SCAPER: variants seen among roughly 807,000 people sequenced by gnomAD.
SCAPER encodes the protein S-phase cyclin A associated protein in the ER.
In SCAPER, 98 loss-of-function variants were observed where a neutral mutation model predicts 182.2. That is an observed-to-expected ratio of 0.54 (90% confidence interval 0.46 to 0.64). The LOEUF (loss-of-function observed/expected upper bound fraction) is 0.64. SCAPER is among the 30% of genes least tolerant of loss of function. The pLI, the probability that SCAPER is intolerant of heterozygous loss-of-function variation, is 0.00. For missense variants in SCAPER, 1,432 were observed against 1,690.0 expected (o/e 0.85, Z 2.68); for synonymous variants, 605 against 564.6 (o/e 1.07, Z -1.01).
intron 26 of SCAPER, among the ~76,000 whole-genome samples, chr15:76,409,925 C>T (rs1335712046): frequency 2.0e-5 from 3 of 151,332 alleles, no homozygotes; most frequent in Non-Finnish European, 4.4e-5. Context: ...GTAGCTGAGA[C>T]TACAGGTGCA....
chr15:76,775,270 T>G (rs1294895363), intron 8 of SCAPER, among the ~76,000 whole-genome samples, 153 bp from the exon 9 acceptor site: 1 of 152,170 alleles, frequency 6.6e-6, no homozygotes, highest in Non-Finnish European at 1.5e-5. Flanking sequence ...TATTTGTATA[T>G]ACATATTTAA....
At chr15:76,441,083 G>A (rs182582789) in intron 25 of SCAPER, among the ~76,000 whole-genome samples, 24 of 151,588 alleles carry the variant, frequency 1.6e-4, no homozygotes, top group African/African-American at 4.4e-4. Context: ...CACCACGCCC[G>A]GCTAATTTTT....
chr15:76,682,433 C>G (rs894851530), intron 20 of SCAPER, among the ~76,000 whole-genome samples: 4 of 152,102 alleles, frequency 2.6e-5, no homozygotes, highest in East Asian at 3.9e-4. Context: ...CCCATCAACA[C>G]CCTGCCACTG....
intron 23 of SCAPER, among the ~76,000 whole-genome samples, chr15:76,524,689 GTTT>G (rs35944222): frequency 0.012 from 588 of 50,102 alleles, 7 homozygotes; most frequent in African/African-American, 0.042. Flanking sequence ...TTTTTGTTCT[GTTT>G]TTTTTTTTTT....
At chr15:76,373,051 T>TC in intron 29 of SCAPER, among the ~76,000 whole-genome samples, 1 of 151,168 alleles carries the variant, frequency 6.6e-6, no homozygotes, top group Non-Finnish European at 1.5e-5. Flanking sequence ...TTTCTTTCTT[T>TC]CTTTTTTTTT....
chr15:76,637,958 G>C (rs949292460), intron 21 of SCAPER, among the ~76,000 whole-genome samples: 2 of 151,594 alleles, frequency 1.3e-5, no homozygotes, highest in African/African-American at 2.4e-5. Context: ...TCCCTCTTTG[G>C]AGAAATGTCA....
chr15:76,898,775 A>C (rs1035770959), intron 1 of SCAPER, among the ~76,000 whole-genome samples: 10 of 152,210 alleles, frequency 6.6e-5, no homozygotes, highest in African/African-American at 2.4e-4. Flanking sequence ...CAGAATGGAA[A>C]ACGGCTGCTA....
At chr15:76,648,314 C>T (rs2054726509) in intron 21 of SCAPER, among the ~76,000 whole-genome samples, 1 of 151,162 alleles carries the variant, frequency 6.6e-6, no homozygotes, top group African/African-American at 2.4e-5. Context: ...GCAAATGAGA[C>T]ACAGTAGAAA....
At chr15:76,783,963 G>C (rs962120688) in intron 8 of SCAPER, among the ~76,000 whole-genome samples, 11 of 152,176 alleles carry the variant, frequency 7.2e-5, no homozygotes, top group African/African-American at 1.7e-4. Context: ...CATTCCCTTT[G>C]AAAACGGGCA....
At chr15:76,350,112 A>T (rs1416176412) in intron 31 of SCAPER, 1 of 152,198 alleles carries the variant, frequency 6.6e-6, no homozygotes, top group East Asian at 1.9e-4. Context: ...CCAGTAGTTA[A>T]AACAAAACAA....
chr15:76,354,165 C>T lies in SCAPER; in HGVS notation c.3856-25G>A, dbSNP rs547563819. 21 of 1,586,256 alleles carry T rather than the reference C, an allele frequency of 1.3e-5. No individual in the cohort carries two copies. The Admixed American group carries it at 2.3e-4, about 17-fold the overall frequency. ...CCTGAAATGGAAGAGCAGCCCAGGT[C>T]AGCTGCCGAAACGCCCCAGCCTGTC... On this transcript the variant is annotated intron_variant, in intron 29 of 31. Coordinates refer to ENST00000563290, the MANE Select transcript of SCAPER (RefSeq NM_020843.4). This position sits in a 1 kb window ranked among gnomAD's most constrained non-coding sequence, Gnocchi z 4.4.
chr15:76,375,090 C>T (rs897711680), intron 29 of SCAPER, among the ~76,000 whole-genome samples: 22 of 151,032 alleles, frequency 1.5e-4, no homozygotes, highest in Admixed American at 1.4e-3. Flanking sequence ...TGATGGTACC[C>T]GCCGGTAGAC....
At chr15:76,590,948 T>C (rs1227718670) in intron 22 of SCAPER, among the ~76,000 whole-genome samples, 3 of 152,234 alleles carry the variant, frequency 2.0e-5, no homozygotes, top group Non-Finnish European at 4.4e-5. Flanking sequence ...AGACAAATAC[T>C]GCATCTTCTT....
chr15:76,392,134 T>G (rs560324148), intron 27 of SCAPER, among the ~76,000 whole-genome samples: 1 of 152,266 alleles, frequency 6.6e-6, no homozygotes, highest in Admixed American at 6.5e-5. Flanking sequence ...CAGGAGGAAA[T>G]GTCTATCATG....
chr15:76,773,607 A>C lies in SCAPER; in HGVS notation c.1035+1248T>G, dbSNP rs2063584383. 1.3e-5 allele frequency among the ~76,000 whole-genome samples: 2 copies of C among 151,978 alleles called. 1 individual carries two copies. Among genetic ancestry groups the C allele is most frequent in the South Asian group, 4.1e-4 (2 of 4,824 alleles). On this transcript the variant is annotated intron_variant, in intron 9 of 31. Transcript: ENST00000563290. ...TCCATATTGTTAGAAATTAAAAAGC[A>C]ACATAAAATACTGCCCAAAAGGAAT...
intron 1 of SCAPER, among the ~76,000 whole-genome samples, chr15:76,903,205 A>C (rs1344543408): frequency 6.6e-6 from 1 of 152,230 alleles, no homozygotes; most frequent in Non-Finnish European, 1.5e-5. Flanking sequence ...CCTATGAAGC[A>C]CCAATGGCAA....
At chr15:76,782,689 C>G (rs996110961) in intron 8 of SCAPER, among the ~76,000 whole-genome samples, 1 of 152,184 alleles carries the variant, frequency 6.6e-6, no homozygotes, top group East Asian at 1.9e-4. Flanking sequence ...GTCTCTCAGA[C>G]CACAGTTCAA....
intron 4 of SCAPER, among the ~76,000 whole-genome samples, chr15:76,855,496 T>TG (rs1388645155): frequency 2.3e-5 from 3 of 129,290 alleles, no homozygotes; most frequent in Admixed American, 7.6e-5. Context: ...ACTTACAGAA[T>TG]GGGAGAAAAT....
At position 76,598,385 on chromosome 15, in the gene SCAPER, C is replaced by G. The variant is rs1399136923; in HGVS notation, c.2711+23379G>C. The stretch of plus-strand genomic sequence containing the variant: ...AAATTAGTTCAACCATTGTGGAAGA[C>G]AGTGTGGCAATTTCTCAAAGATGTA... On this transcript the variant is annotated intron_variant, in intron 22 of 31. Transcript: ENST00000563290. Among the ~76,000 whole-genome samples the G allele has an allele frequency of 1.6e-5, 2 of 121,450 alleles. 1 individual carries two copies. The highest frequency in any genetic ancestry group is 5.0e-5 in the African/African-American group (2 of 39,658). 79.7% of individuals were successfully genotyped at this position (121,450 alleles called of 152,430 possible). A position where few individuals can be genotyped will look rare whatever the true frequency, so the allele number is the denominator to read the frequency against.
Sources: allele counts gnomAD v4.1 joint callset (sites outside exome capture counted in the v4.1 genomes callset), GRCh38; gene constraint gnomAD v4.1.1; non-coding constraint Gnocchi (gnomAD v3.1); transcripts MANE v1.5; gene names NCBI Gene and HGNC (gene_info 2026-07-23, HGNC 2026-07-21).